The following LEKR1 variants were observed in gnomAD, a reference collection of about 807,000 sequenced individuals.
LEKR1 encodes leucine, glutamate and lysine rich 1, also known as protein LEKR1.
A neutral mutation model predicts 72.4 loss-of-function variants in LEKR1; 59 were observed. The ratio of observed to expected loss-of-function variants is 0.82; its 90% CI spans 0.66 to 1.01. LEKR1 has a LOEUF of 1.01. Ranked by LOEUF, LEKR1 falls within the 50% of genes least tolerant of loss-of-function variation. The pLI, the probability that LEKR1 is intolerant of heterozygous loss-of-function variation, is 0.00. For synonymous variants in LEKR1, 257 were observed against 263.2 expected (o/e 0.98, Z 0.23); for missense variants, 728 against 759.2 (o/e 0.96, Z 0.48).
At chr3:156,981,376 G>C (rs1273511681) in intron 7 of LEKR1, among the ~76,000 whole-genome samples, 4 of 152,148 alleles carry the variant, frequency 2.6e-5, no homozygotes, top group Admixed American at 1.3e-4. Flanking sequence ...GATGCAGGGA[G>C]AAATACACCA....
chr3:156,990,873 A>G (rs1442871355), intron 7 of LEKR1, among the ~76,000 whole-genome samples: 1 of 152,146 alleles, frequency 6.6e-6, no homozygotes, highest in Non-Finnish European at 1.5e-5. Context: ...TGGTTCCTCT[A>G]ATAGGGAATG....
intron 3 of LEKR1, among the ~76,000 whole-genome samples, chr3:156,856,121 CTATT>C (rs1233273075): frequency 1.3e-5 from 2 of 152,126 alleles, no homozygotes; most frequent in East Asian, 1.9e-4. Flanking sequence ...GCTTTTTAAT[CTATT>C]TAGTATTAAT....
Position 156,839,621 on chromosome 3 carries a change from G to A in LEKR1, c.48+10244G>A, listed in dbSNP as rs545190396. Among the ~76,000 whole-genome samples the A allele has an allele frequency of 9.3e-4, 142 of 152,286 alleles. 1 individual carries two copies. Among genetic ancestry groups the A allele is most frequent in the African/African-American group, 3.3e-3 (137 of 41,552 alleles). ...GGAGCTAACAGACATCACACAAGAG[G>A]AATTAGCAGAGGACAACTTGGAGAT... On this transcript the variant is annotated intron_variant, in intron 2 of 12. Transcript: ENST00000356539.
At chr3:157,025,015 C>A in intron 11 of LEKR1, 91 bp downstream of exon 11, 1 of 833,638 alleles carries the variant, frequency 1.2e-6, no homozygotes, top group Non-Finnish European at 1.9e-6. Context: ...ATTTATAATT[C>A]CAGTAGCTTT....
chr3:156,922,326 C>T (rs925005894), intron 4 of LEKR1, among the ~76,000 whole-genome samples: 1 of 150,956 alleles, frequency 6.6e-6, no homozygotes, highest in Non-Finnish European at 1.5e-5. Context: ...AATATCAGGC[C>T]ATAAAACTTA....
At chr3:157,003,649 A>C (rs1034546416) in intron 9 of LEKR1, among the ~76,000 whole-genome samples, 1 of 152,134 alleles carries the variant, frequency 6.6e-6, no homozygotes, top group Non-Finnish European at 1.5e-5. Context: ...GATAATTCAA[A>C]ATAATCTCCT....
At chr3:156,955,849 G>A (rs1217686922) in intron 6 of LEKR1, among the ~76,000 whole-genome samples, 2 of 151,290 alleles carry the variant, frequency 1.3e-5, no homozygotes, top group African/African-American at 2.4e-5. Context: ...ATCTCTGCCA[G>A]GTTTGGCTAT....
chr3:156,966,746 T>G (rs1728643471), intron 6 of LEKR1, among the ~76,000 whole-genome samples: 1 of 152,146 alleles, frequency 6.6e-6, no homozygotes, highest in South Asian at 2.1e-4. Flanking sequence ...TCTGCAGACT[T>G]GAATGTCCCT....
intron 3 of LEKR1, among the ~76,000 whole-genome samples, chr3:156,883,130 T>A (rs1003092725): frequency 6.6e-6 from 1 of 151,702 alleles, no homozygotes; most frequent in Non-Finnish European, 1.5e-5. Flanking sequence ...TGTGCACATG[T>A]ACCCTAAAAC....
At chr3:156,971,213 A>G (rs1005713498) in intron 6 of LEKR1, among the ~76,000 whole-genome samples, 1 of 152,230 alleles carries the variant, frequency 6.6e-6, no homozygotes, top group Non-Finnish European at 1.5e-5. Flanking sequence ...GATCTTTGAC[A>G]AACCTGACAA....
chr3:156,841,605 C>T (rs1345079968), intron 2 of LEKR1, among the ~76,000 whole-genome samples: 1 of 152,140 alleles, frequency 6.6e-6, no homozygotes, highest in Non-Finnish European at 1.5e-5. Flanking sequence ...AAGTTAGATG[C>T]ATTTATACAA....
intron 6 of LEKR1, among the ~76,000 whole-genome samples, chr3:156,965,863 A>G (rs1215628930): frequency 2.6e-5 from 4 of 152,194 alleles, no homozygotes; most frequent in South Asian, 2.1e-4. Flanking sequence ...TATTATTGGT[A>G]TATATTTTTG....
intron 2 of LEKR1, among the ~76,000 whole-genome samples, chr3:156,843,078 C>G (rs976122685): frequency 6.6e-6 from 1 of 152,180 alleles, no homozygotes; most frequent in Non-Finnish European, 1.5e-5. Context: ...AGCAGACTTA[C>G]TAGCATTTTC....
At chr3:157,004,732 G>C (rs914924633) in intron 9 of LEKR1, among the ~76,000 whole-genome samples, 1 of 151,654 alleles carries the variant, frequency 6.6e-6, no homozygotes, top group Non-Finnish European at 1.5e-5. Flanking sequence ...ATAAGACAGT[G>C]GTCAAATAAA....
chr3:157,033,700 G>A (rs997900793), intron 12 of LEKR1, among the ~76,000 whole-genome samples: 1 of 152,194 alleles, frequency 6.6e-6, no homozygotes, highest in African/African-American at 2.4e-5. Context: ...GATCATTTAT[G>A]AGGTAGCTAC....
chr3:156,992,914 A>G (rs1731249852), intron 8 of LEKR1, among the ~76,000 whole-genome samples, 160 bp from the exon 9 acceptor site: 1 of 152,156 alleles, frequency 6.6e-6, no homozygotes, highest in South Asian at 2.1e-4. Context: ...CTAGATGGGA[A>G]AATATTAACA....
intron 6 of LEKR1, among the ~76,000 whole-genome samples, chr3:156,946,653 A>G (rs905111204): frequency 2.6e-5 from 4 of 151,424 alleles, no homozygotes; most frequent in Non-Finnish European, 5.9e-5. Flanking sequence ...TCACGATGGC[A>G]TGTTGAATTA....
At chr3:156,888,495 G>T in intron 3 of LEKR1, 1 of 648,752 alleles carries the variant, frequency 1.5e-6, no homozygotes, top group South Asian at 1.7e-5. Flanking sequence ...ATGATACTAA[G>T]CCAGAAGATT....
intron 9 of LEKR1, among the ~76,000 whole-genome samples, chr3:157,010,141 T>A (rs1272255684): frequency 6.6e-6 from 1 of 152,016 alleles, no homozygotes; most frequent in East Asian, 1.9e-4. Flanking sequence ...GGTTTATTAA[T>A]TTTATTGATC....
Sources: allele counts gnomAD v4.1 joint callset (sites outside exome capture counted in the v4.1 genomes callset), GRCh38; gene constraint gnomAD v4.1.1; transcripts MANE v1.5; gene names NCBI Gene and HGNC (gene_info 2026-07-23, HGNC 2026-07-21).